Variants in KCNH5 observed in about 807,000 individuals in gnomAD.
KCNH5 encodes potassium voltage-gated channel subfamily H member 5, also known as voltage-gated delayed rectifier potassium channel KCNH5.
Under a neutral mutation model 96.1 loss-of-function variants are expected in KCNH5, and 46 were observed. The ratio of observed to expected loss-of-function variants is 0.48; its 90% CI spans 0.38 to 0.61. KCNH5 has a LOEUF of 0.61. Ranked by LOEUF, KCNH5 falls within the 20% of genes least tolerant of loss-of-function variation. The pLI, the probability that KCNH5 is intolerant of heterozygous loss-of-function variation, is 0.00. For synonymous variants in KCNH5, 439 were observed against 449.8 expected, an observed-to-expected ratio of 0.98 and a Z score of 0.30; for missense variants, 907 against 1,225.8, an observed-to-expected ratio of 0.74 and a Z score of 3.88.
At chr14:62,834,854 C>A (rs1887433614) in intron 8 of KCNH5, among the ~76,000 whole-genome samples, 2 of 151,980 alleles carry the variant, frequency 1.3e-5, no homozygotes, top group South Asian at 4.1e-4. Context: ...TATTTACATA[C>A]TGTCTATGGC....
In KCNH5 at chr14:62,721,499, G is replaced by GCTCTCT. The variant is rs10567188; in HGVS notation, c.2020-13050_2020-13045dup. Among the ~76,000 whole-genome samples, 1,377 of 149,328 alleles carry GCTCTCT rather than the reference G, an allele frequency of 9.2e-3. 9 individuals carry two copies. Among genetic ancestry groups the GCTCTCT allele is most frequent in the Middle Eastern group, 0.024 (7 of 290 alleles). ...CTTTCTCTCTCTCTCTCACTCACTC[G>GCTCTCT]CTCTCTCTCTCTCTCTCTCTCTTTC... On this transcript the variant is annotated intron_variant, in intron 10 of 10. Coordinates refer to ENST00000322893, the MANE Select transcript of KCNH5 (RefSeq NM_139318.5).
At chr14:62,732,077 G>T (rs75404123) in intron 10 of KCNH5, among the ~76,000 whole-genome samples, 1,538 of 152,150 alleles carry the variant, frequency 0.01, 21 homozygotes, top group African/African-American at 0.035. Flanking sequence ...TCCTTCTTTT[G>T]CATCCTTCAG....
At chr14:63,040,775 G>A (rs1004620484) in intron 1 of KCNH5, among the ~76,000 whole-genome samples, 3 of 151,902 alleles carry the variant, frequency 2.0e-5, no homozygotes, top group Non-Finnish European at 4.4e-5. Flanking sequence ...TGTCAATTCA[G>A]CATGAAAATA....
chr14:62,926,197 T>TA (rs1889472888), intron 7 of KCNH5, among the ~76,000 whole-genome samples: 1 of 152,050 alleles, frequency 6.6e-6, no homozygotes, highest in South Asian at 2.1e-4. Flanking sequence ...TCTAGAGAAT[T>TA]AAAGAAATTA....
At chr14:62,713,381 G>A (rs888737785) in intron 10 of KCNH5, among the ~76,000 whole-genome samples, 5 of 152,118 alleles carry the variant, frequency 3.3e-5, no homozygotes, top group Non-Finnish European at 5.9e-5. Context: ...CCCAACTACT[G>A]AGCAAATGCA....
chr14:63,030,853 C>T (rs1202312587), intron 1 of KCNH5, among the ~76,000 whole-genome samples: 1 of 152,168 alleles, frequency 6.6e-6, no homozygotes, highest in Non-Finnish European at 1.5e-5. Flanking sequence ...TGTAAAAATA[C>T]AGACATAGAG....
At chr14:62,728,678 GTTAT>G in intron 10 of KCNH5, among the ~76,000 whole-genome samples, 1 of 152,180 alleles carries the variant, frequency 6.6e-6, no homozygotes, top group Non-Finnish European at 1.5e-5. Flanking sequence ...TTCTGGAGAA[GTTAT>G]TTAACCTTTT....
At position 62,859,798 on chromosome 14, in the gene KCNH5, G is replaced by A. The variant is rs189698461; in HGVS notation, c.1370-9946C>T. Reference sequence around the variant, plus strand: ...TGTAGTGCTGCAGCTGTCCACTTTCGGGTGATACCTGCATACCATGCAGAA... The same window carrying A: ...TGTAGTGCTGCAGCTGTCCACTTTCAGGTGATACCTGCATACCATGCAGAA... On this transcript the variant is annotated intron_variant, in intron 7 of 10. Coordinates refer to ENST00000322893, the MANE Select transcript of KCNH5 (RefSeq NM_139318.5). Among the ~76,000 whole-genome samples the A allele has an allele frequency of 3.9e-3, 596 of 152,222 alleles. 4 individuals are homozygous for A. The highest frequency in any genetic ancestry group is 0.014 in the African/African-American group (567 of 41,538).
chr14:62,880,927 G>A (rs1888479191), intron 7 of KCNH5, among the ~76,000 whole-genome samples: 1 of 152,210 alleles, frequency 6.6e-6, no homozygotes, highest in Non-Finnish European at 1.5e-5. Flanking sequence ...CCCGCATAGA[G>A]TGCCAGCCAG....
intron 7 of KCNH5, among the ~76,000 whole-genome samples, chr14:62,932,140 G>T (rs1566712691): frequency 6.6e-6 from 1 of 152,110 alleles, no homozygotes; most frequent in African/African-American, 2.4e-5. Context: ...AGACAGCCAG[G>T]ATTCCGAGGC....
At chr14:62,845,812 G>C (rs1283333838) in intron 8 of KCNH5, among the ~76,000 whole-genome samples, 2 of 152,204 alleles carry the variant, frequency 1.3e-5, no homozygotes, top group African/African-American at 4.8e-5. Flanking sequence ...CACTGGACAT[G>C]AGTAGGCAGT....
At chr14:62,990,743 A>T (rs1890793650) in intron 4 of KCNH5, among the ~76,000 whole-genome samples, 1 of 152,092 alleles carries the variant, frequency 6.6e-6, no homozygotes, top group African/African-American at 2.4e-5. Flanking sequence ...GCTGCTATAA[A>T]GAACTGCCTG....
intron 3 of KCNH5, among the ~76,000 whole-genome samples, chr14:63,003,532 TA>T (rs1891058670): frequency 3.4e-4 from 39 of 114,818 alleles, no homozygotes; most frequent in African/African-American, 1.2e-3. Context: ...ATTTTATATA[TA>T]TTATATATTA....
intron 10 of KCNH5, among the ~76,000 whole-genome samples, chr14:62,765,310 C>T (rs905698614): frequency 6.6e-6 from 1 of 152,078 alleles, no homozygotes. Context: ...TAAGATAACT[C>T]GCTAGCCATA....
Position 62,701,988 on chromosome 14 carries a change from A to T in KCNH5, c.*5520T>A, listed in dbSNP as rs1354139274. The T allele has an allele frequency of 6.6e-6, 1 of 152,078 alleles. No individual in the cohort carries two copies. The highest frequency in any genetic ancestry group is 1.5e-5 in the Non-Finnish European group (1 of 67,954). The allele number at this position is 152,078 out of a possible 1,614,324, so 9.4% of individuals were successfully genotyped here. A position where few individuals can be genotyped will look rare whatever the true frequency, so the allele number is the denominator to read the frequency against. ...CTACTTAAAACCCAATGAGTCAAAA[A>T]ATAAATTTTAAAAATAAATTCTGGA... On this transcript the variant is annotated 3_prime_UTR_variant, in exon 11 of 11. Coordinates refer to ENST00000322893, the MANE Select transcript of KCNH5 (RefSeq NM_139318.5).
At chr14:62,799,691 T>TTATATATA (rs71410693) in intron 9 of KCNH5, among the ~76,000 whole-genome samples, 816 of 57,866 alleles carry the variant, frequency 0.014, 9 homozygotes, top group East Asian at 0.024. Context: ...GTATATACCT[T>TTATATATA]TATATATATA....
intron 7 of KCNH5, among the ~76,000 whole-genome samples, chr14:62,897,229 A>AC (rs112666505): frequency 0.087 from 13,304 of 152,250 alleles, 654 homozygotes; most frequent in Middle Eastern, 0.17. Flanking sequence ...TTGAGCAAGC[A>AC]TCTGAGAAAC....
intron 7 of KCNH5, among the ~76,000 whole-genome samples, chr14:62,897,526 TG>T (rs1760364587): frequency 2.0e-5 from 3 of 151,916 alleles, no homozygotes. Flanking sequence ...TGCTGGAATA[TG>T]GGGGGAAAAA....
chr14:62,752,393 A>G (rs985295733), intron 10 of KCNH5, among the ~76,000 whole-genome samples: 1 of 152,022 alleles, frequency 6.6e-6, no homozygotes, highest in South Asian at 2.1e-4. Context: ...AAGAGCATCA[A>G]GTGGGCTCTT....
Sources: allele counts gnomAD v4.1 joint callset (sites outside exome capture counted in the v4.1 genomes callset), GRCh38; gene constraint gnomAD v4.1.1; transcripts MANE v1.5; gene names NCBI Gene and HGNC (gene_info 2026-07-23, HGNC 2026-07-21).